The following ADGRE1 variants were observed in gnomAD, a reference collection of about 807,000 sequenced individuals.
The protein encoded by ADGRE1 is EGF-like module receptor 1.
ADGRE1 carries 82 observed loss-of-function variants against 102.7 expected under a neutral mutation model. That is an observed-to-expected ratio of 0.80 (90% confidence interval 0.67 to 0.96). ADGRE1 has a LOEUF of 0.96. Among genes scored for constraint, ADGRE1 ranks in the 40% least tolerant of loss-of-function variants. The probability of loss-of-function intolerance (pLI) is 0.00; values close to 1 mark genes in which losing one functional copy is unlikely to be tolerated. For synonymous variants in ADGRE1, 398 were observed against 399.6 expected, an observed-to-expected ratio of 1.00 and a Z score of 0.05; for missense variants, 1,032 against 1,085.3, an observed-to-expected ratio of 0.95 and a Z score of 0.69.
At position 6,926,467 on chromosome 19, in the gene ADGRE1, C is replaced by A; in HGVS notation, c.2088C>A (p.Asn696Lys). The A allele has an allele frequency of 4.3e-6, 7 of 1,614,220 alleles. No homozygotes were observed. Among genetic ancestry groups the A allele is most frequent in the Middle Eastern group, 1.7e-4 (1 of 6,058 alleles). ...TGATACTGTTCTTGATGGTCAGAAA[C>A]CTGAAGGTGGTGAATTACTTCAGCT... ...EAVILFLMVRNLKVVNYFSSR... is the reference protein window; with the variant it reads ...EAVILFLMVRKLKVVNYFSSR... The change falls in exon 16 of 21, where the codon AAC (asparagine) becomes AAA (lysine). Residue 696 changes from asparagine to lysine, a missense_variant. By Grantham distance (94) the Asn-to-Lys change is moderately conservative. Coordinates refer to ENST00000312053, the MANE Select transcript of ADGRE1 (RefSeq NM_001974.5).
At chr19:6,929,126 G>A (rs1450986585) in intron 17 of ADGRE1, among the ~76,000 whole-genome samples, 1 of 152,126 alleles carries the variant, frequency 6.6e-6, no homozygotes, top group Non-Finnish European at 1.5e-5. Flanking sequence ...TCATTGTCTG[G>A]GGGTAATAAT....
chr19:6,887,717 A>G, intron 1 of ADGRE1, 78 bp downstream of exon 1: 5 of 1,493,954 alleles, frequency 3.3e-6, no homozygotes, highest in South Asian at 2.4e-5. Context: ...AGGGCCATGG[A>G]TGGTCCAGCC....
chr19:6,934,103 C>T (rs1247644113), intron 17 of ADGRE1, among the ~76,000 whole-genome samples: 4 of 152,052 alleles, frequency 2.6e-5, no homozygotes, highest in East Asian at 3.9e-4. Flanking sequence ...TTGGCTCAGA[C>T]TCAAAGGCAG....
chr19:6,889,015 GTGATGA>G (rs772334544), intron 1 of ADGRE1, among the ~76,000 whole-genome samples: 1 of 151,586 alleles, frequency 6.6e-6, no homozygotes. Flanking sequence ...GATGGTGATG[GTGATGA>G]TGATGATGAT....
At position 6,928,129 on chromosome 19, in the gene ADGRE1, C is replaced by T; in HGVS notation, c.2223-16C>T. On this transcript the variant is annotated splice_polypyrimidine_tract_variant and intron_variant, in intron 16 of 20. Coordinates refer to ENST00000312053, the MANE Select transcript of ADGRE1 (RefSeq NM_001974.5). ...ACTCTGAGACAAGCGCTGACTCCTC[C>T]TATTTCTCTCCACAGCTGCTGGCTG... 1 of 1,611,948 alleles carries T rather than the reference C, an allele frequency of 6.2e-7. No individual in the cohort carries two copies. The highest frequency in any genetic ancestry group is 1.7e-5 in the Admixed American group (1 of 59,762).
At chr19:6,901,697 A>C (rs1276236317) in intron 5 of ADGRE1, among the ~76,000 whole-genome samples, 178 bp from the exon 6 acceptor site, 1 of 152,200 alleles carries the variant, frequency 6.6e-6, no homozygotes, top group Non-Finnish European at 1.5e-5. Context: ...TGCCTACTGA[A>C]AGAAGGAACT....
intron 2 of ADGRE1, 80 bp downstream of exon 2, chr19:6,890,623 G>C: frequency 6.8e-7 from 1 of 1,468,478 alleles, no homozygotes; most frequent in South Asian, 1.2e-5. Context: ...AGGAAGCTGA[G>C]CCTCATCCAG....
chr19:6,911,274 A>G (rs1458740204), intron 10 of ADGRE1, among the ~76,000 whole-genome samples: 1 of 151,830 alleles, frequency 6.6e-6, no homozygotes, highest in East Asian at 1.9e-4. Flanking sequence ...ATTTGGATAG[A>G]TAGAAACTTG....
At chr19:6,932,837 C>T (rs369872413) in intron 17 of ADGRE1, among the ~76,000 whole-genome samples, 2 of 152,200 alleles carry the variant, frequency 1.3e-5, no homozygotes, top group Admixed American at 6.5e-5. Flanking sequence ...TGATGATGAA[C>T]AAACCATATG....
chr19:6,932,343 C>T (rs1421930311), intron 17 of ADGRE1, among the ~76,000 whole-genome samples: 1 of 152,086 alleles, frequency 6.6e-6, no homozygotes, highest in Non-Finnish European at 1.5e-5. Flanking sequence ...TGGTGCACGC[C>T]TGTAGTCCCA....
chr19:6,926,959 C>G (rs867970801), intron 16 of ADGRE1, among the ~76,000 whole-genome samples: 7 of 151,306 alleles, frequency 4.6e-5, no homozygotes, highest in Middle Eastern at 3.4e-3. Context: ...CTCGGGAGGC[C>G]GAAGCAGAAG....
chr19:6,920,515 G>A lies in ADGRE1; in HGVS notation c.1620+768G>A, dbSNP rs74499574. On this transcript the variant is annotated intron_variant, in intron 13 of 20. Coordinates refer to ENST00000312053, the MANE Select transcript of ADGRE1 (RefSeq NM_001974.5). Reference sequence around the variant, plus strand: ...ATTACAGGCATGAACCACCATGCCCGCTTTTTTTTTTTTTTTTTTTTTTTT... The same window carrying A: ...ATTACAGGCATGAACCACCATGCCCACTTTTTTTTTTTTTTTTTTTTTTTT... 0.028 allele frequency among the ~76,000 whole-genome samples: 1,935 copies of A among 67,980 alleles called. 144 individuals carry two copies. The East Asian group carries it at 0.47, about 16-fold the overall frequency. The allele number at this position is 67,980 out of a possible 152,430, so 44.6% of individuals were successfully genotyped here.
At chr19:6,921,412 ACT>A (rs1309517021) in intron 13 of ADGRE1, among the ~76,000 whole-genome samples, 2 of 152,128 alleles carry the variant, frequency 1.3e-5, no homozygotes, top group Non-Finnish European at 2.9e-5. Flanking sequence ...ACAGAGTGAG[ACT>A]CTGTCACACA....
chr19:6,920,519 T>C, intron 13 of ADGRE1, among the ~76,000 whole-genome samples: 2 of 70,912 alleles, frequency 2.8e-5, no homozygotes, highest in Non-Finnish European at 5.5e-5. Flanking sequence ...ATGCCCGCTT[T>C]TTTTTTTTTT....
chr19:6,918,785 CG>C (rs958111104), intron 12 of ADGRE1, among the ~76,000 whole-genome samples: 2 of 151,294 alleles, frequency 1.3e-5, no homozygotes, highest in Non-Finnish European at 3.0e-5. Flanking sequence ...AGTGCAGTGG[CG>C]GGATCTTGGC....
intron 13 of ADGRE1, among the ~76,000 whole-genome samples, chr19:6,920,516 CTTTTTTT>C (rs3053967): frequency 1.8e-4 from 14 of 75,746 alleles, no homozygotes; most frequent in East Asian, 7.4e-4. Flanking sequence ...ACCATGCCCG[CTTTTTTT>C]TTTTTTTTTT....
chr19:6,906,628 C>A, intron 9 of ADGRE1, 107 bp downstream of exon 9: 2 of 907,530 alleles, frequency 2.2e-6, no homozygotes, highest in Non-Finnish European at 3.5e-6. Flanking sequence ...GTGGCCAAAA[C>A]CAGACAGCAG....
At chr19:6,890,879 T>C (rs956961637) in intron 2 of ADGRE1, among the ~76,000 whole-genome samples, 7 of 152,118 alleles carry the variant, frequency 4.6e-5, no homozygotes, top group Admixed American at 1.3e-4. Flanking sequence ...TAAATGGTAG[T>C]GTAGTGAGAG....
At chr19:6,913,578 A>T in intron 10 of ADGRE1, 75 bp from the exon 11 acceptor site, 1 of 1,394,656 alleles carries the variant, frequency 7.2e-7, no homozygotes, top group Admixed American at 2.4e-5. Flanking sequence ...GCCTATTCTT[A>T]ATCAGAAAAG....
Sources: allele counts gnomAD v4.1 joint callset (sites outside exome capture counted in the v4.1 genomes callset), GRCh38; gene constraint gnomAD v4.1.1; transcripts MANE v1.5; gene names NCBI Gene and HGNC (gene_info 2026-07-23, HGNC 2026-07-21).